Variants in DNAH2 observed in about 807,000 individuals in gnomAD.
DNAH2 encodes dynein axonemal heavy chain 2, also known as axonemal beta dynein heavy chain 2.
In DNAH2, 323 loss-of-function variants were observed where a neutral mutation model predicts 523.5. The observed-to-expected ratio is 0.62, with a 90% confidence interval of 0.56 to 0.68. The LOEUF is 0.68. Among genes scored for constraint, DNAH2 ranks in the 30% least tolerant of loss-of-function variants. The pLI is 0.00. For synonymous variants in DNAH2, 2,093 were observed against 2,177.4 expected (o/e 0.96, Z 1.08); for missense variants, 4,907 against 5,701.5 (o/e 0.86, Z 4.49).
chr17:7,816,431 A>G, intron 63 of DNAH2, 140 bp from the exon 64 acceptor site: 1 of 959,566 alleles, frequency 1.0e-6, no homozygotes, highest in Non-Finnish European at 1.6e-6. Flanking sequence ...TTCTTTTACA[A>G]CATGAGGAAA....
At position 7,782,000 on chromosome 17, in the gene DNAH2, C is replaced by G. The variant is rs566523147; in HGVS notation, c.6129+833C>G. ...ATGGATAAAAATATAATAATAACAT[C>G]CTTTTTAATGCATTGCTAAGCTGGC... On this transcript the variant is annotated intron_variant, in intron 39 of 85. Transcript: ENST00000572933. Among the ~76,000 whole-genome samples the G allele has an allele frequency of 2.6e-5, 4 of 152,298 alleles. No homozygotes were observed. In the South Asian group the frequency reaches 8.3e-4, roughly 32 times the overall value.
rs764861293 is a variant in DNAH2, at chr17:7,780,663, C to T, written c.5884C>T (p.Leu1962=). ...CAAGAAGGTGTACACACTCTACTCA[C>T]TGGCTGTGCAGCAGCTGTCCAGACA... ...LAKKVYTLYS[L]AVQQLSRQDH... Residue 1962 remains leucine (L), a synonymous_variant, in exon 38 of 86, where the codon CTG becomes TTG. Coordinates refer to ENST00000572933, the MANE Select transcript of DNAH2 (RefSeq NM_020877.5). The surrounding 1 kb of genome is among the most constrained non-coding windows in gnomAD (Gnocchi z 4.4). 10 of 1,614,112 alleles carry T rather than the reference C, an allele frequency of 6.2e-6. 1 individual carries two copies. In the Admixed American group the frequency reaches 1.0e-4, roughly 16 times the overall value.
rs1486243737 is a variant in DNAH2, at chr17:7,824,286, C to T, written c.11644C>T (p.Arg3882Ter). ...GQAPIAARLL[R>*]EGVTQGHWVF... Reference sequence around the variant, plus strand: ...GGCCCCCATCGCTGCTCGGCTCCTCCGAGAGGGTGTGACTCAGGGTTGGTG... The same window carrying T: ...GGCCCCCATCGCTGCTCGGCTCCTCTGAGAGGGTGTGACTCAGGGTTGGTG... Residue 3882 changes from arginine to a stop codon, truncating the protein, a stop_gained, in exon 76 of 86, where the codon CGA becomes TGA. Coordinates refer to ENST00000572933, the MANE Select transcript of DNAH2 (RefSeq NM_020877.5). LOFTEE classifies it high-confidence loss of function. 8 of 1,530,824 alleles carry T rather than the reference C, an allele frequency of 5.2e-6. No homozygotes were observed. Among genetic ancestry groups the T allele is most frequent in the Middle Eastern group, 1.8e-4 (1 of 5,436 alleles). 94.8% of individuals were successfully genotyped at this position (1,530,824 alleles called of 1,614,324 possible).
chr17:7,743,060 A>G lies in DNAH2; in HGVS notation c.1822A>G (p.Lys608Glu). 6.5e-7 allele frequency: 1 copy of G among 1,534,868 alleles called. No homozygotes were observed. The highest frequency in any genetic ancestry group is 8.7e-7 in the Non-Finnish European group (1 of 1,146,402). Residue 608 changes from lysine (K) to glutamate (E), a missense_variant, in exon 12 of 86, where the codon AAG becomes GAG. By Grantham distance (56) the Lys-to-Glu change is moderately conservative (BLOSUM62 1). Transcript: ENST00000572933. ...CCAAGAGTGGACATCAAGTCTGGAC[A>G]AGGATTGCATTCGGCGGTTGGATAC... ...TFQEWTSSLD[K>E]DCIRRLDTPL...
intron 61 of DNAH2, among the ~76,000 whole-genome samples, chr17:7,806,696 A>G (rs1224817086): frequency 1.4e-5 from 2 of 147,708 alleles, no homozygotes; most frequent in Non-Finnish European, 1.5e-5. Flanking sequence ...AGAAGAATGT[A>G]TTGCTGCATC....
intron 2 of DNAH2, among the ~76,000 whole-genome samples, chr17:7,721,004 CTTTTTTTTTTT>C (rs71159523): frequency 0.024 from 2,640 of 109,758 alleles, 98 homozygotes; most frequent in African/African-American, 0.081. Flanking sequence ...TTCTTTCTTT[CTTTTTTTTTTT>C]TTTTTTTTTT....
rs1390197489 is a variant in DNAH2 at position 7,760,056 on chromosome 17, C to G, written c.2785+118C>G. The G allele has an allele frequency of 6.8e-7, 1 of 1,480,282 alleles. No homozygotes were observed. The highest frequency in any genetic ancestry group is 9.3e-7 in the Non-Finnish European group (1 of 1,079,976). The allele number at this position is 1,480,282 out of a possible 1,614,324, so 91.7% of individuals were successfully genotyped here. ...ATACTGGGCCAGTCACCTCCCTGAC[C>G]TGGGGAAAACTCAGGTCAAGGGGCC... On this transcript the variant is annotated intron_variant, in intron 17 of 85. Coordinates refer to ENST00000572933, the MANE Select transcript of DNAH2 (RefSeq NM_020877.5). This position sits in a 1 kb window ranked among gnomAD's most constrained non-coding sequence, Gnocchi z 4.0.
chr17:7,741,316 TCCCTCCC>T, intron 11 of DNAH2, among the ~76,000 whole-genome samples: 1 of 69,818 alleles, frequency 1.4e-5, no homozygotes, highest in Non-Finnish European at 2.6e-5. Context: ...CCTCCCTCCC[TCCCTCCC>T]TCCTTCCTTC....
chr17:7,833,534 G>T lies in DNAH2; in HGVS notation c.*1G>T, dbSNP rs759175263. 6.2e-7 allele frequency: 1 copy of T among 1,613,486 alleles called. No homozygotes were observed. The highest frequency in any genetic ancestry group is 8.5e-7 in the Non-Finnish European group (1 of 1,179,972). On this transcript the variant is annotated 3_prime_UTR_variant, in exon 86 of 86. Coordinates refer to ENST00000572933, the MANE Select transcript of DNAH2 (RefSeq NM_020877.5). ...TCTACTCATGAGCCTGGACAGCTGA[G>T]ACCTCCTCCTCTTCTCCGCTTGAGA...
chr17:7,757,050 C>A, intron 12 of DNAH2, 41 bp from the exon 13 acceptor site: 1 of 1,612,020 alleles, frequency 6.2e-7, no homozygotes, highest in Non-Finnish European at 8.5e-7. Context: ...AGTTTATCCC[C>A]TCGTGCGGTC....
chr17:7,828,234 T>G lies in DNAH2; in HGVS notation c.11854-2066T>G, dbSNP rs1405305520. 6.6e-6 allele frequency among the ~76,000 whole-genome samples: 1 copy of G among 152,152 alleles called. No individual in the cohort carries two copies. Among genetic ancestry groups the G allele is most frequent in the Admixed American group, 6.5e-5 (1 of 15,280 alleles). ...GTGCCATGCTGATATACTTTAGTCT[T>G]AATTACCATATAGCTTTATAATAAT... On this transcript the variant is annotated intron_variant, in intron 77 of 85. Transcript: ENST00000572933. This position sits in a 1 kb window ranked among gnomAD's most constrained non-coding sequence, Gnocchi z 4.1.
Position 7,760,070 on chromosome 17 carries a change from G to A in DNAH2, c.2785+132G>A, listed in dbSNP as rs2075962650. ...ACCTCCCTGACCTGGGGAAAACTCA[G>A]GTCAAGGGGCCAGATCGGCTGGCAC... On this transcript the variant is annotated intron_variant, in intron 17 of 85. Coordinates refer to ENST00000572933, the MANE Select transcript of DNAH2 (RefSeq NM_020877.5). This position sits in a 1 kb window ranked among gnomAD's most constrained non-coding sequence, Gnocchi z 4.0. 3 of 1,387,424 alleles carry A rather than the reference G, an allele frequency of 2.2e-6. No individual in the cohort carries two copies. The highest frequency in any genetic ancestry group is 1.4e-5 in the African/African-American group (1 of 70,526). 85.9% of individuals were successfully genotyped at this position (1,387,424 alleles called of 1,614,324 possible). A position where few individuals can be genotyped will look rare whatever the true frequency, so the allele number is the denominator to read the frequency against.
In DNAH2 at chr17:7,760,855, G is replaced by A. The variant is rs1243293186; in HGVS notation, c.2901G>A (p.Glu967=). The stretch of plus-strand genomic sequence containing the variant: ...GGGACATGTACCGGGAGATCTGGGA[G>A]ATCAACAAGGACTCCTTCATTCATC... ...KTWDMYREIW[E]INKDSFIHRY... The change falls in exon 18 of 86, where the codon GAG becomes GAA. Residue 967 remains glutamate (E), a synonymous_variant. Coordinates refer to ENST00000572933, the MANE Select transcript of DNAH2 (RefSeq NM_020877.5). This position sits in a 1 kb window ranked among gnomAD's most constrained non-coding sequence, Gnocchi z 4.0. 6.2e-7 allele frequency: 1 copy of A among 1,614,092 alleles called. No individual in the cohort carries two copies. Among genetic ancestry groups the A allele is most frequent in the Non-Finnish European group, 8.5e-7 (1 of 1,180,062 alleles).
intron 63 of DNAH2, among the ~76,000 whole-genome samples, chr17:7,808,722 G>A (rs2077434496): frequency 1.3e-5 from 2 of 152,164 alleles, no homozygotes; most frequent in South Asian, 4.1e-4. Flanking sequence ...AGATTCTCCT[G>A]CCTCAGCCTC....
intron 4 of DNAH2, among the ~76,000 whole-genome samples, chr17:7,732,455 A>G (rs920441097): frequency 1.3e-5 from 2 of 151,602 alleles, no homozygotes; most frequent in Non-Finnish European, 2.9e-5. Flanking sequence ...AAAAAAAAAA[A>G]AAATTGCCAA....
At chr17:7,791,798 C>T in intron 44 of DNAH2, 119 bp from the exon 45 acceptor site, 3 of 993,190 alleles carry the variant, frequency 3.0e-6, no homozygotes, top group South Asian at 3.7e-5. Flanking sequence ...TGCGATTTTC[C>T]AAATAGAGCC....
Position 7,831,517 on chromosome 17 carries a change from A to G in DNAH2, c.12587A>G (p.Tyr4196Cys), listed in dbSNP as rs1224743577. 6.2e-7 allele frequency: 1 copy of G among 1,614,166 alleles called. No homozygotes were observed. Among genetic ancestry groups the G allele is most frequent in the South Asian group, 1.1e-5 (1 of 91,076 alleles). The change falls in exon 81 of 86, where the codon TAC (tyrosine) becomes TGC (cysteine). Residue 4196 changes from tyrosine (Y) to cysteine (C), a missense_variant. This residue lies in a region of DNAH2 where 1,851 missense variants were observed against 2,139.4 expected (regional missense o/e 0.87). Coordinates refer to ENST00000572933, the MANE Select transcript of DNAH2 (RefSeq NM_020877.5). The surrounding 1 kb of genome is among the most constrained non-coding windows in gnomAD (Gnocchi z 4.2). ...GTCCTTCTGCAGGAGATCCAGAGAT[A>G]CAACACACTGATGCAGACCATCCTG... ...NVVLLQEIQRYNTLMQTILFS... is the reference protein window; with the variant it reads ...NVVLLQEIQRCNTLMQTILFS...
At chr17:7,817,879 T>A in intron 67 of DNAH2, 23 bp downstream of exon 67, 1 of 1,609,534 alleles carries the variant, frequency 6.2e-7, no homozygotes, top group Non-Finnish European at 8.5e-7. Flanking sequence ...GGGGTCAGGT[T>A]AGCCCCCCCC....
chr17:7,721,455 T>C (rs1004120295), intron 2 of DNAH2, among the ~76,000 whole-genome samples: 4 of 152,236 alleles, frequency 2.6e-5, no homozygotes, highest in African/African-American at 7.2e-5. Context: ...ATTACAGGCG[T>C]GAGCCACCGC....
Sources: allele counts gnomAD v4.1 joint callset (sites outside exome capture counted in the v4.1 genomes callset), GRCh38; gene constraint gnomAD v4.1.1; regional missense constraint gnomAD v4.1.1; non-coding constraint Gnocchi (gnomAD v3.1); transcripts MANE v1.5; gene names NCBI Gene and HGNC (gene_info 2026-07-23, HGNC 2026-07-21).